The following KCNK2 variants were observed in gnomAD, a reference collection of about 807,000 sequenced individuals.
The protein encoded by KCNK2 is potassium channel subfamily K member 2.
A neutral mutation model predicts 40.5 loss-of-function variants in KCNK2; 21 were observed. The ratio of observed to expected loss-of-function variants is 0.52; its 90% CI spans 0.37 to 0.75. KCNK2 has a LOEUF of 0.75. KCNK2 is among the 30% of genes least tolerant of loss of function. The pLI, the probability that KCNK2 is intolerant of heterozygous loss-of-function variation, is 0.00. For missense variants in KCNK2, 399 were observed against 531.6 expected, an observed-to-expected ratio of 0.75 and a Z score of 2.45; for synonymous variants, 191 against 202.2, an observed-to-expected ratio of 0.94 and a Z score of 0.47.
At chr1:215,042,882 CTTACAAGGATACAAGACAAAA>C (rs571190948) in intron 1 of KCNK2, among the ~76,000 whole-genome samples, 93 of 152,316 alleles carry the variant, frequency 6.1e-4, no homozygotes, top group African/African-American at 1.9e-3. Context: ...ATGGCTCCTA[CTTACAAGGATACAAGACAAAA>C]TGCCAATGTA....
At chr1:215,123,834 T>C (rs918625896) in intron 2 of KCNK2, among the ~76,000 whole-genome samples, 2 of 152,178 alleles carry the variant, frequency 1.3e-5, no homozygotes, top group South Asian at 2.1e-4. Flanking sequence ...TCTCCTAACA[T>C]ATTGTCTTAT....
At chr1:215,019,964 T>A (rs959646836) in intron 1 of KCNK2, among the ~76,000 whole-genome samples, 3 of 152,196 alleles carry the variant, frequency 2.0e-5, no homozygotes, top group African/African-American at 7.2e-5. Context: ...TATATATATT[T>A]ACCATATTGT....
intron 2 of KCNK2, among the ~76,000 whole-genome samples, chr1:215,109,195 T>C (rs1481613340): frequency 6.6e-6 from 1 of 152,112 alleles, no homozygotes; most frequent in Non-Finnish European, 1.5e-5. Context: ...ATCATTTTTG[T>C]GTGTTGGGTA....
intron 6 of KCNK2, among the ~76,000 whole-genome samples, chr1:215,211,755 G>A (rs1665753307): frequency 6.6e-6 from 1 of 152,194 alleles, no homozygotes; most frequent in Admixed American, 6.5e-5. Context: ...CTTTAATAAT[G>A]TAGAGATTTT....
intron 3 of KCNK2, among the ~76,000 whole-genome samples, chr1:215,159,147 T>C (rs752900879): frequency 4.6e-5 from 7 of 152,300 alleles, no homozygotes; most frequent in Middle Eastern, 3.4e-3. Context: ...TGCTCTGCTA[T>C]AGAACATTAC....
At chr1:215,130,664 A>G (rs1017880600) in intron 3 of KCNK2, among the ~76,000 whole-genome samples, 4 of 152,114 alleles carry the variant, frequency 2.6e-5, no homozygotes, top group African/African-American at 9.7e-5. Context: ...GGTGGAGGAA[A>G]CATCTCACAG....
chr1:215,028,560 T>C (rs1657076290), intron 1 of KCNK2, among the ~76,000 whole-genome samples: 1 of 152,214 alleles, frequency 6.6e-6, no homozygotes, highest in African/African-American at 2.4e-5. Context: ...ATTTTAATTC[T>C]TATGAAGCCT....
At chr1:215,137,847 C>T (rs926475474) in intron 3 of KCNK2, among the ~76,000 whole-genome samples, 4 of 151,936 alleles carry the variant, frequency 2.6e-5, no homozygotes, top group Non-Finnish European at 4.4e-5. Flanking sequence ...TGTTTTTCAT[C>T]GAAGATTGAA....
chr1:215,152,515 GC>G (rs760440534), intron 3 of KCNK2, among the ~76,000 whole-genome samples: 2 of 152,144 alleles, frequency 1.3e-5, no homozygotes, highest in East Asian at 1.9e-4. Flanking sequence ...CTCTTTGTGT[GC>G]CTTCATTAAT....
intron 6 of KCNK2, among the ~76,000 whole-genome samples, chr1:215,231,708 T>C (rs528376024): frequency 6.6e-6 from 1 of 152,314 alleles, no homozygotes; most frequent in South Asian, 2.1e-4. Context: ...ATATTTGTAT[T>C]AGTCTGTTCT....
At chr1:215,067,966 A>T (rs1658616236) in intron 1 of KCNK2, among the ~76,000 whole-genome samples, 1 of 152,164 alleles carries the variant, frequency 6.6e-6, no homozygotes, top group Non-Finnish European at 1.5e-5. Flanking sequence ...TCGCCCATGT[A>T]ATTTATTTCA....
chr1:215,071,116 A>G (rs1284586559), intron 1 of KCNK2, among the ~76,000 whole-genome samples: 1 of 152,206 alleles, frequency 6.6e-6, no homozygotes, highest in African/African-American at 2.4e-5. Context: ...ATTCTGAACT[A>G]GTGGAGTTTC....
chr1:215,088,259 A>G (rs7522445), intron 2 of KCNK2, among the ~76,000 whole-genome samples: 21,714 of 152,110 alleles, frequency 0.14, 1,575 homozygotes, highest in Middle Eastern at 0.25. Flanking sequence ...TAGCAGTAAA[A>G]GCTTCAACTT....
chr1:215,199,290 C>A (rs1394067611), intron 6 of KCNK2, among the ~76,000 whole-genome samples: 1 of 151,886 alleles, frequency 6.6e-6, no homozygotes, highest in African/African-American at 2.4e-5. Context: ...GCCTGGGTGA[C>A]AGAGCAAGAC....
Position 215,177,721 on chromosome 1 carries a change from TGTATATATATATATATA to T in KCNK2, c.823+5539_823+5555del, listed in dbSNP as rs1413648177. Reference sequence around the variant, plus strand: ...TGCTCCACTGGCCTATATATATATGTGTATATATATATATATATATTTTTTTTTTTTGTAGCAGTACC... The same window carrying T: ...TGCTCCACTGGCCTATATATATATGTTATTTTTTTTTTTTGTAGCAGTACC... On this transcript the variant is annotated intron_variant, in intron 5 of 6. Coordinates refer to ENST00000444842, the MANE Select transcript of KCNK2 (RefSeq NM_001017425.3). Among the ~76,000 whole-genome samples, 19 of 62,948 alleles carry T rather than the reference TGTATATATATATATATA, an allele frequency of 3.0e-4. No individual in the cohort carries two copies. In the East Asian group the frequency reaches 6.3e-3, roughly 21 times the overall value. The allele number at this position is 62,948 out of a possible 152,430, so 41.3% of individuals were successfully genotyped here.
chr1:215,227,977 G>A (rs2102707923), intron 6 of KCNK2, among the ~76,000 whole-genome samples: 1 of 149,146 alleles, frequency 6.7e-6, no homozygotes, highest in South Asian at 2.1e-4. Flanking sequence ...AGTTAAAGAA[G>A]TTAAATGATT....
intron 2 of KCNK2, among the ~76,000 whole-genome samples, chr1:215,115,764 A>C (rs547118731): frequency 6.7e-6 from 1 of 148,512 alleles, no homozygotes; most frequent in South Asian, 2.1e-4. Context: ...TCTTCCACTC[A>C]TGCTGAGATG....
At chr1:215,216,753 T>C (rs895692019) in intron 6 of KCNK2, among the ~76,000 whole-genome samples, 18 of 152,320 alleles carry the variant, frequency 1.2e-4, no homozygotes, top group African/African-American at 4.3e-4. Flanking sequence ...AGCTATTTTA[T>C]GCTCTTTTTT....
chr1:215,022,116 T>TATCTATCTATCTATCTATCTATCTAATC (rs1229051454), intron 1 of KCNK2, among the ~76,000 whole-genome samples: 8 of 124,462 alleles, frequency 6.4e-5, no homozygotes, highest in African/African-American at 2.1e-4. Flanking sequence ...CCTATCTATC[T>TATCTATCTATCTATCTATCTATCTAATC]ATCTATCTAT....
Sources: allele counts gnomAD v4.1 joint callset (sites outside exome capture counted in the v4.1 genomes callset), GRCh38; gene constraint gnomAD v4.1.1; transcripts MANE v1.5; gene names NCBI Gene and HGNC (gene_info 2026-07-23, HGNC 2026-07-21).